NBR1: variants seen among roughly 807,000 people sequenced by gnomAD.
The protein encoded by NBR1 is NBR1 autophagy cargo receptor.
A neutral mutation model predicts 115.5 loss-of-function variants in NBR1; 59 were observed. The observed-to-expected ratio is 0.51, with a 90% CI of 0.41 to 0.63. The LOEUF (loss-of-function observed/expected upper bound fraction) is 0.63, where lower values mean the gene tolerates loss of function less well. Ranked by LOEUF, NBR1 falls within the 30% of genes least tolerant of loss-of-function variation. NBR1 has a pLI of 0.00. For synonymous variants in NBR1, 373 were observed against 414.7 expected (o/e 0.90, Z 1.22); for missense variants, 1,043 against 1,150.5 (o/e 0.91, Z 1.35).
In NBR1 at chr17:43,183,699, A is replaced by G. The variant is rs186398347; in HGVS notation, c.208-2551A>G. On this transcript the variant is annotated intron_variant, in intron 5 of 20. Coordinates refer to ENST00000590996, the MANE Select transcript of NBR1 (RefSeq NM_005899.5). ...GTTTGTTTTTGAGTCTTGCTCTGTC[A>G]CCCAGACTGGAGTGCAGTGGTACAA... 3.3e-3 allele frequency among the ~76,000 whole-genome samples: 493 copies of G among 151,496 alleles called. 1 individual carries two copies. The highest frequency in any genetic ancestry group is 4.8e-3 in the Non-Finnish European group (325 of 67,842).
rs561906834 is a variant in NBR1 at position 43,194,620 on chromosome 17, A to C, written c.1674+121A>C. 68 of 1,118,046 alleles carry C rather than the reference A, an allele frequency of 6.1e-5. No homozygotes were observed. In the African/African-American group the frequency reaches 9.0e-4, roughly 15 times the overall value. 69.3% of individuals were successfully genotyped at this position (1,118,046 alleles called of 1,614,324 possible). On this transcript the variant is annotated intron_variant, in intron 13 of 20. Coordinates refer to ENST00000590996, the MANE Select transcript of NBR1 (RefSeq NM_005899.5). ...TATGCCCACTTTGATCTAGTCAGGT[A>C]TATTTAATGGGAAGGAGATCACCCA...
intron 5 of NBR1, among the ~76,000 whole-genome samples, chr17:43,181,798 A>G (rs1173422318): frequency 6.6e-6 from 1 of 152,130 alleles, no homozygotes; most frequent in Non-Finnish European, 1.5e-5. Context: ...CAGCCTGACC[A>G]TGATGGTGAA....
chr17:43,201,629 C>T, intron 17 of NBR1, 57 bp from the exon 18 acceptor site: 1 of 1,003,002 alleles, frequency 1.0e-6, no homozygotes, highest in South Asian at 1.3e-5. Flanking sequence ...TACTATTTCT[C>T]CACTGTTGCC....
chr17:43,205,586 A>T (rs1017270464), intron 20 of NBR1, among the ~76,000 whole-genome samples: 1 of 152,086 alleles, frequency 6.6e-6, no homozygotes, highest in Non-Finnish European at 1.5e-5. Context: ...AGTAAGACGA[A>T]AAAAGACTGG....
Position 43,177,754 on chromosome 17 carries a change from T to C in NBR1, c.103-182T>C, listed in dbSNP as rs1308198968. ...CTTGTATGAATTTTATGTATATTTTTACCTGGGTTGTTAATTGTATCATTA... is the reference window on the plus strand; with the variant it reads ...CTTGTATGAATTTTATGTATATTTTCACCTGGGTTGTTAATTGTATCATTA... On this transcript the variant is annotated intron_variant, in intron 2 of 20. Transcript: ENST00000590996. Among the ~76,000 whole-genome samples the C allele has an allele frequency of 2.0e-5, 3 of 152,222 alleles. No individual in the cohort carries two copies. The East Asian group carries it at 5.8e-4, about 29-fold the overall frequency.
chr17:43,174,749 CTAAG>C (rs2056463221), intron 1 of NBR1, among the ~76,000 whole-genome samples: 1 of 151,902 alleles, frequency 6.6e-6, no homozygotes, highest in African/African-American at 2.4e-5. Context: ...GTTGGTTTAA[CTAAG>C]TGTTTATTAC....
rs2057203124 is a variant in NBR1 at position 43,201,745 on chromosome 17, C to T, written c.2528C>T (p.Pro843Leu). Residue 843 changes from proline to leucine, a missense_variant, in exon 18 of 21, where the codon CCA becomes CTA. Coordinates refer to ENST00000590996, the MANE Select transcript of NBR1 (RefSeq NM_005899.5). Reference sequence around the variant, plus strand: ...GGAGTGGATTTACCAGTTACCATACCAGAAGTTTCTTCAGTCCCTGATCAG... The same window carrying T: ...GGAGTGGATTTACCAGTTACCATACTAGAAGTTTCTTCAGTCCCTGATCAG... ...SPGVDLPVTI[P>L]EVSSVPDQIR... The T allele has an allele frequency of 6.2e-7, 1 of 1,607,850 alleles. No homozygotes were observed. The highest frequency in any genetic ancestry group is 1.3e-5 in the African/African-American group (1 of 74,922).
chr17:43,179,536 A>G (rs1331382227), intron 4 of NBR1, 124 bp downstream of exon 4: 1 of 903,734 alleles, frequency 1.1e-6, no homozygotes. Flanking sequence ...ACTGATGGAC[A>G]TTAGTTACCT....
intron 5 of NBR1, among the ~76,000 whole-genome samples, chr17:43,181,535 G>A (rs1404849320): frequency 6.6e-6 from 1 of 152,090 alleles, no homozygotes; most frequent in African/African-American, 2.4e-5. Context: ...GGGCGTGGGC[G>A]GGTGCCTGTA....
rs1465322550 is a variant in NBR1 at position 43,201,235 on chromosome 17, A to G, written c.2469-451A>G. 2.0e-5 allele frequency among the ~76,000 whole-genome samples: 3 copies of G among 152,326 alleles called. No individual in the cohort carries two copies. In the South Asian group the frequency reaches 6.2e-4, roughly 32 times the overall value. On this transcript the variant is annotated intron_variant, in intron 17 of 20. Coordinates refer to ENST00000590996, the MANE Select transcript of NBR1 (RefSeq NM_005899.5). ...CCTTGTTTTATTGACTCTTCAGTAAAGGCAGCAAAAACTCAACCCAAACAG... is the reference window on the plus strand; with the variant it reads ...CCTTGTTTTATTGACTCTTCAGTAAGGGCAGCAAAAACTCAACCCAAACAG...
intron 20 of NBR1, among the ~76,000 whole-genome samples, chr17:43,206,718 A>T (rs2057325148): frequency 6.6e-6 from 1 of 151,920 alleles, no homozygotes; most frequent in African/African-American, 2.4e-5. Flanking sequence ...GGTAGAAAAG[A>T]TAATTAAGAG....
intron 3 of NBR1, 136 bp downstream of exon 3, chr17:43,178,134 T>G: frequency 9.1e-7 from 1 of 1,104,492 alleles, no homozygotes. Context: ...TAACTGAATA[T>G]TCTAAGAAGA....
At chr17:43,175,935 T>A in intron 2 of NBR1, 34 bp downstream of exon 2, 1 of 1,217,236 alleles carries the variant, frequency 8.2e-7, no homozygotes, top group Non-Finnish European at 1.2e-6. Context: ...CTCCTTGGTT[T>A]AAGCATGGTT....
At chr17:43,175,500 T>C (rs1470763551) in intron 1 of NBR1, among the ~76,000 whole-genome samples, 2 of 152,240 alleles carry the variant, frequency 1.3e-5, no homozygotes, top group Non-Finnish European at 2.9e-5. Context: ...TGTTTCCACA[T>C]GTTTCCAACA....
chr17:43,179,317 TGGGGCTGGTCCTA>T (rs2056605626), intron 3 of NBR1, 64 bp from the exon 4 acceptor site: 1 of 1,371,998 alleles, frequency 7.3e-7, no homozygotes, highest in Admixed American at 1.8e-5. Flanking sequence ...GTCTGTCCTA[TGGGGCTGGTCCTA>T]GTAACAGAAA....
In NBR1 at chr17:43,193,526, G is replaced by T; in HGVS notation, c.1412G>T (p.Arg471Leu). 1 of 1,613,414 alleles carries T rather than the reference G, an allele frequency of 6.2e-7. No homozygotes were observed. Among genetic ancestry groups the T allele is most frequent in the Non-Finnish European group, 8.5e-7 (1 of 1,179,680 alleles). The change falls in exon 12 of 21, where the codon CGG becomes CTG. Residue 471 changes from arginine to leucine, a missense_variant. Arg to Leu is a moderately radical substitution (Grantham distance 102, BLOSUM62 -2). Coordinates refer to ENST00000590996, the MANE Select transcript of NBR1 (RefSeq NM_005899.5). ...CACAAAGGCCAGCAATTTGGGCCTC[G>T]GGTCTGGTGCAGTATCATAGTAGAT... ...LSHKGQQFGPRVWCSIIVDPF... is the reference protein window; with the variant it reads ...LSHKGQQFGPLVWCSIIVDPF...
Position 43,189,091 on chromosome 17 carries a change from C to T in NBR1, c.452C>T (p.Pro151Leu), listed in dbSNP as rs1421139263. ...ACAGACCAGCCTCAAGACAAGCCCCCAGACTGGTTCACAAGCTACCTGGAG... is the reference window on the plus strand; with the variant it reads ...ACAGACCAGCCTCAAGACAAGCCCCTAGACTGGTTCACAAGCTACCTGGAG... Reference protein sequence around the residue: ...CDTDQPQDKPPDWFTSYLETF... With the variant: ...CDTDQPQDKPLDWFTSYLETF... Residue 151 changes from proline (P) to leucine (L), a missense_variant, in exon 7 of 21, where the codon CCA becomes CTA. Coordinates refer to ENST00000590996, the MANE Select transcript of NBR1 (RefSeq NM_005899.5). The T allele has an allele frequency of 2.5e-6, 4 of 1,613,082 alleles. No homozygotes were observed. Among genetic ancestry groups the T allele is most frequent in the Admixed American group, 3.3e-5 (2 of 60,012 alleles).
chr17:43,178,400 G>A (rs1211051208), intron 3 of NBR1, among the ~76,000 whole-genome samples: 1 of 136,010 alleles, frequency 7.4e-6, no homozygotes, highest in East Asian at 2.3e-4. Context: ...TTTGTGAGAT[G>A]AAGCCTCACT....
At chr17:43,190,201 A>C in intron 8 of NBR1, 1 of 298,600 alleles carries the variant, frequency 3.3e-6, no homozygotes, top group Non-Finnish European at 6.3e-6. Flanking sequence ...CAATCCTCCC[A>C]CTTCAGCCTG....
Sources: gnomAD v4.1 joint callset for allele counts (sites outside exome capture counted in the v4.1 genomes callset) on GRCh38, gnomAD v4.1.1 for gene constraint, MANE v1.5 for transcripts, NCBI Gene and HGNC (gene_info 2026-07-23, HGNC 2026-07-21) for gene names.